Variants in HAO1 observed in about 807,000 individuals in gnomAD.
HAO1 encodes the protein hydroxyacid oxidase 1.
In HAO1, 34 loss-of-function variants were observed where a neutral mutation model predicts 39.7. That is an observed-to-expected ratio of 0.86 (90% CI 0.65 to 1.14). HAO1 has a LOEUF of 1.14. Ranked by LOEUF, HAO1 falls within the 50% of genes most tolerant of loss-of-function variation. The pLI is 0.00. For missense variants in HAO1, 479 were observed against 464.5 expected (o/e 1.03, Z -0.29); for synonymous variants, 172 against 173.2 (o/e 0.99, Z 0.05).
intron 5 of HAO1, among the ~76,000 whole-genome samples, chr20:7,891,243 G>T (rs1435276498): frequency 6.6e-6 from 1 of 152,164 alleles, no homozygotes; most frequent in Non-Finnish European, 1.5e-5. Context: ...CATTCTTTCA[G>T]GAGTAAGGTG....
At chr20:7,930,885 C>T (rs1428187899) in intron 2 of HAO1, among the ~76,000 whole-genome samples, 1 of 152,138 alleles carries the variant, frequency 6.6e-6, no homozygotes, top group East Asian at 1.9e-4. Context: ...GGAATACATG[C>T]AGAGCACAAG....
At chr20:7,940,007 G>A (rs112037272) in intron 1 of HAO1, among the ~76,000 whole-genome samples, 2 of 152,242 alleles carry the variant, frequency 1.3e-5, no homozygotes, top group African/African-American at 4.8e-5. Flanking sequence ...CGAATTTATC[G>A]CTATTTTTAC....
chr20:7,907,665 A>T (rs952781432), intron 3 of HAO1, among the ~76,000 whole-genome samples: 6 of 152,260 alleles, frequency 3.9e-5, no homozygotes, highest in Admixed American at 3.3e-4. Context: ...AGCTTAGCCC[A>T]GTATTTCTCT....
chr20:7,885,094 A>G (rs976328765), intron 7 of HAO1, among the ~76,000 whole-genome samples: 2 of 152,164 alleles, frequency 1.3e-5, no homozygotes, highest in African/African-American at 4.8e-5. Context: ...AACTGAAACT[A>G]TGGGATTAAC....
At chr20:7,887,557 T>C (rs2050156279) in intron 5 of HAO1, among the ~76,000 whole-genome samples, 1 of 152,198 alleles carries the variant, frequency 6.6e-6, no homozygotes, top group African/African-American at 2.4e-5. Context: ...ATATGTCCCT[T>C]TTCCTATACA....
intron 3 of HAO1, among the ~76,000 whole-genome samples, chr20:7,912,121 G>A (rs545468983): frequency 5.9e-5 from 9 of 152,220 alleles, no homozygotes; most frequent in Non-Finnish European, 7.4e-5. Context: ...TCTTCAGACC[G>A]GAGATGTGAC....
chr20:7,930,656 T>C (rs1367796218), intron 2 of HAO1, among the ~76,000 whole-genome samples: 1 of 152,150 alleles, frequency 6.6e-6, no homozygotes, highest in Admixed American at 6.6e-5. Flanking sequence ...CAACTGGGAC[T>C]CAATCCTTCC....
At chr20:7,913,632 T>C (rs936897887) in intron 3 of HAO1, among the ~76,000 whole-genome samples, 1 of 152,224 alleles carries the variant, frequency 6.6e-6, no homozygotes, top group African/African-American at 2.4e-5. Context: ...TATATTGTTT[T>C]TGCTAAGATG....
At chr20:7,908,341 C>T (rs551398048) in intron 3 of HAO1, among the ~76,000 whole-genome samples, 1 of 151,244 alleles carries the variant, frequency 6.6e-6, no homozygotes, top group South Asian at 2.1e-4. Flanking sequence ...CAGTGAGCAA[C>T]TCCAGCCACT....
chr20:7,910,375 G>A (rs1372885861), intron 3 of HAO1, among the ~76,000 whole-genome samples: 1 of 152,120 alleles, frequency 6.6e-6, no homozygotes, highest in Non-Finnish European at 1.5e-5. Context: ...GTGGTTATTT[G>A]TTACAACAGC....
intron 2 of HAO1, among the ~76,000 whole-genome samples, chr20:7,922,647 GA>G (rs1469667065): frequency 1.3e-5 from 2 of 152,018 alleles, no homozygotes; most frequent in Non-Finnish European, 1.5e-5. Flanking sequence ...AGTGAAACAA[GA>G]ACATGCTTTT....
At chr20:7,924,008 G>T (rs1227602169) in intron 2 of HAO1, among the ~76,000 whole-genome samples, 2 of 152,142 alleles carry the variant, frequency 1.3e-5, no homozygotes, top group Admixed American at 1.3e-4. Context: ...GCCATGCCTT[G>T]CTGATAAATC....
At chr20:7,907,120 C>T (rs2050252084) in intron 3 of HAO1, among the ~76,000 whole-genome samples, 1 of 152,102 alleles carries the variant, frequency 6.6e-6, no homozygotes, top group Non-Finnish European at 1.5e-5. Context: ...GGAACTGTTT[C>T]CCAGCAGATG....
At chr20:7,899,702 C>T (rs1316287561) in intron 4 of HAO1, among the ~76,000 whole-genome samples, 1 of 152,144 alleles carries the variant, frequency 6.6e-6, no homozygotes, top group East Asian at 1.9e-4. Context: ...TTATTAGCTG[C>T]TTATGCAGCC....
In HAO1 at chr20:7,914,164, C is replaced by T. The variant is rs6118003; in HGVS notation, c.545G>A (p.Arg182Lys). ...TCGGGGCCCACATGATCATGGTTAC[C>T]TGAGTTGTGGCGGCAGTTTGAATCT... ...RNRFKLPPQL[R>K]MKNFETSTLS... Residue 182 changes from arginine (R) to lysine (K), a missense_variant and splice_region_variant, in exon 3 of 8, where the codon AGG becomes AAG. Arg to Lys is a conservative substitution (Grantham distance 26, BLOSUM62 2). Coordinates refer to ENST00000378789, the MANE Select transcript of HAO1 (RefSeq NM_017545.3). 1 of 1,613,846 alleles carries T rather than the reference C, an allele frequency of 6.2e-7. No homozygotes were observed. The highest frequency in any genetic ancestry group is 8.5e-7 in the Non-Finnish European group (1 of 1,179,798).
chr20:7,885,994 G>A (rs1335917320), intron 5 of HAO1, 130 bp from the exon 6 acceptor site: 5 of 652,550 alleles, frequency 7.7e-6, no homozygotes, highest in Non-Finnish European at 1.3e-5. Context: ...TGGGGTAAAT[G>A]GTAAAATTAT....
At chr20:7,921,022 A>G (rs893496626) in intron 2 of HAO1, among the ~76,000 whole-genome samples, 1 of 152,020 alleles carries the variant, frequency 6.6e-6, no homozygotes, top group Non-Finnish European at 1.5e-5. Flanking sequence ...TTGGGAGAAA[A>G]TATTTGTAAA....
At chr20:7,895,783 C>T (rs979639997) in intron 4 of HAO1, among the ~76,000 whole-genome samples, 9 of 152,160 alleles carry the variant, frequency 5.9e-5, no homozygotes, top group African/African-American at 2.2e-4. Context: ...TGCAGTGGCT[C>T]ATGCCTGTAA....
intron 2 of HAO1, among the ~76,000 whole-genome samples, chr20:7,919,405 A>G (rs2050321129): frequency 6.6e-6 from 1 of 150,806 alleles, no homozygotes; most frequent in South Asian, 2.1e-4. Context: ...ACACTGTGCC[A>G]TTGCTATAAG....
Sources: allele counts gnomAD v4.1 joint callset (sites outside exome capture counted in the v4.1 genomes callset), GRCh38; gene constraint gnomAD v4.1.1; transcripts MANE v1.5; gene names NCBI Gene and HGNC (gene_info 2026-07-23, HGNC 2026-07-21).